Variants in MSRB3 observed in about 807,000 individuals in gnomAD.
MSRB3 encodes methionine sulfoxide reductase B3.
In MSRB3, 13 loss-of-function variants were observed where a neutral mutation model predicts 21.0. The observed-to-expected ratio is 0.62, with a 90% CI of 0.40 to 0.98. The LOEUF (loss-of-function observed/expected upper bound fraction) is 0.98, where lower values mean the gene tolerates loss of function less well. Ranked by LOEUF, MSRB3 falls within the 50% of genes least tolerant of loss-of-function variation. MSRB3 has a pLI of 0.00. For synonymous variants in MSRB3, 87 were observed against 88.6 expected, an observed-to-expected ratio of 0.98 and a Z score of 0.10; for missense variants, 199 against 230.3, an observed-to-expected ratio of 0.86 and a Z score of 0.88.
intron 4 of MSRB3, among the ~76,000 whole-genome samples, chr12:65,357,106 A>T (rs918529551): frequency 2.0e-5 from 3 of 151,858 alleles, no homozygotes; most frequent in African/African-American, 7.2e-5. Flanking sequence ...CTCTTCCTTC[A>T]TTTCTTCCCC....
At chr12:65,384,122 T>G (rs1879089814) in intron 5 of MSRB3, among the ~76,000 whole-genome samples, 1 of 152,258 alleles carries the variant, frequency 6.6e-6, no homozygotes, top group Non-Finnish European at 1.5e-5. Flanking sequence ...AATAATATTT[T>G]ATGCATTTTC....
At chr12:65,335,430 T>G (rs1420440971) in intron 4 of MSRB3, among the ~76,000 whole-genome samples, 1 of 152,188 alleles carries the variant, frequency 6.6e-6, no homozygotes, top group Non-Finnish European at 1.5e-5. Context: ...TGCAATTTTA[T>G]TCTAGGCTAC....
At chr12:65,281,177 C>T (rs1364086583) in intron 1 of MSRB3, among the ~76,000 whole-genome samples, 1 of 152,260 alleles carries the variant, frequency 6.6e-6, no homozygotes, top group Admixed American at 6.5e-5. Flanking sequence ...TGTGGTAAGC[C>T]GTGATCACAC....
chr12:65,461,084 A>G (rs79539804), intron 6 of MSRB3, among the ~76,000 whole-genome samples: 2 of 145,582 alleles, frequency 1.4e-5, no homozygotes, highest in Non-Finnish European at 3.1e-5. Context: ...ACACACACAC[A>G]CCCCTAAGGC....
At chr12:65,360,726 A>G (rs2136516159) in intron 4 of MSRB3, among the ~76,000 whole-genome samples, 1 of 152,254 alleles carries the variant, frequency 6.6e-6, no homozygotes. Flanking sequence ...TTCACTAATG[A>G]GAAGAATGGG....
chr12:65,369,451 T>C (rs1162927407), intron 5 of MSRB3, among the ~76,000 whole-genome samples: 4 of 152,214 alleles, frequency 2.6e-5, no homozygotes, highest in Non-Finnish European at 5.9e-5. Context: ...AATTTGTCTA[T>C]GGTTTATTAG....
intron 5 of MSRB3, among the ~76,000 whole-genome samples, chr12:65,384,053 CAG>C (rs1879086136): frequency 6.6e-6 from 1 of 152,152 alleles, no homozygotes; most frequent in African/African-American, 2.4e-5. Context: ...TGTTTAAAGA[CAG>C]ATTATATTCT....
At chr12:65,417,575 T>G (rs993068478) in intron 5 of MSRB3, among the ~76,000 whole-genome samples, 1 of 152,226 alleles carries the variant, frequency 6.6e-6, no homozygotes, top group Non-Finnish European at 1.5e-5. Context: ...CACCATGATG[T>G]ACAATAGGTC....
At chr12:65,434,257 A>G (rs1882018219) in intron 5 of MSRB3, among the ~76,000 whole-genome samples, 1 of 151,868 alleles carries the variant, frequency 6.6e-6, no homozygotes, top group South Asian at 2.1e-4. Context: ...CTCCTTTGGA[A>G]TTGGCATTCC....
At chr12:65,327,010 C>T (rs1875091297) in intron 3 of MSRB3, 76 bp downstream of exon 3, 2 of 1,064,104 alleles carry the variant, frequency 1.9e-6, no homozygotes, top group Admixed American at 2.0e-5. Flanking sequence ...CTTTTCCTTG[C>T]CAATTAATTT....
chr12:65,281,578 C>T (rs1018715349), intron 1 of MSRB3: 1 of 152,142 alleles, frequency 6.6e-6, no homozygotes, highest in Non-Finnish European at 1.5e-5. Context: ...GGACAGATTC[C>T]GTGTTAAGCT....
intron 2 of MSRB3, among the ~76,000 whole-genome samples, chr12:65,320,482 G>A (rs1321962552): frequency 2.0e-5 from 3 of 152,170 alleles, no homozygotes; most frequent in Non-Finnish European, 4.4e-5. Flanking sequence ...AAGGGCAACA[G>A]CATTGTTTGG....
At chr12:65,454,249 C>T in intron 6 of MSRB3, 1 of 315,710 alleles carries the variant, frequency 3.2e-6, no homozygotes, top group Non-Finnish European at 6.0e-6. Flanking sequence ...GATCATGCCA[C>T]TGTAGTCTAG....
At chr12:65,446,006 A>G (rs1882601494) in intron 5 of MSRB3, among the ~76,000 whole-genome samples, 1 of 152,196 alleles carries the variant, frequency 6.6e-6, no homozygotes, top group Non-Finnish European at 1.5e-5. Context: ...TGAATGAAGC[A>G]TGGGAGAATG....
At chr12:65,284,355 G>A (rs188584010) in intron 1 of MSRB3, 1 of 152,346 alleles carries the variant, frequency 6.6e-6, no homozygotes, top group Non-Finnish European at 1.5e-5. Context: ...CGAGAATAGC[G>A]GCACCGCAGT....
At chr12:65,440,048 G>A (rs894621814) in intron 5 of MSRB3, among the ~76,000 whole-genome samples, 4 of 151,758 alleles carry the variant, frequency 2.6e-5, no homozygotes, top group South Asian at 2.1e-4. Flanking sequence ...CAGTGTAAAC[G>A]ACAGTTTATA....
intron 5 of MSRB3, among the ~76,000 whole-genome samples, chr12:65,445,889 C>T (rs1400532040): frequency 6.6e-6 from 1 of 152,122 alleles, no homozygotes; most frequent in East Asian, 1.9e-4. Flanking sequence ...AGGTGATCCA[C>T]CTGCCTCAGC....
rs750575415 is a variant in MSRB3, at chr12:65,463,273, G to A, written c.509G>A (p.Gly170Glu). 2 of 1,614,188 alleles carry A rather than the reference G, an allele frequency of 1.2e-6. No homozygotes were observed. The highest frequency in any genetic ancestry group is 1.7e-6 in the Non-Finnish European group (2 of 1,180,034). Residue 170 changes from glycine (G) to glutamate (E), a missense_variant, in exon 7 of 7, where the codon GGA (glycine) becomes GAA (glutamate). Transcript: ENST00000308259. ...GCGGATAGCAGTGGCACCGCCGAGG[G>A]AGGCAGTGGGGTCGCCAGCCCGGCC... ...TPADSSGTAE[G>E]GSGVASPAQA...
At chr12:65,415,416 G>T (rs553833437) in intron 5 of MSRB3, among the ~76,000 whole-genome samples, 9 of 152,210 alleles carry the variant, frequency 5.9e-5, no homozygotes, top group Non-Finnish European at 1.2e-4. Context: ...TTGACAGAAG[G>T]CCATAGACTC....
Sources: allele counts gnomAD v4.1 joint callset (sites outside exome capture counted in the v4.1 genomes callset), GRCh38; gene constraint gnomAD v4.1.1; transcripts MANE v1.5; gene names NCBI Gene and HGNC (gene_info 2026-07-23, HGNC 2026-07-21).